The following RNF213 variants were observed in gnomAD, a reference collection of about 807,000 sequenced individuals.
RNF213 encodes ring finger protein 213.
RNF213 carries 341 observed loss-of-function variants against 514.4 expected under a neutral mutation model. The ratio of observed to expected loss-of-function variants is 0.66; its 90% CI spans 0.61 to 0.73. RNF213 has a LOEUF of 0.73. Ranked by LOEUF, RNF213 falls within the 30% of genes least tolerant of loss-of-function variation. The pLI is 0.00. For missense variants in RNF213, 5,767 were observed against 6,615.6 expected, an observed-to-expected ratio of 0.87 and a Z score of 4.45; for synonymous variants, 2,655 against 2,658.2, an observed-to-expected ratio of 1.00 and a Z score of 0.04.
In RNF213 at chr17:80,344,674, C is replaced by T. The variant is rs1332038035; in HGVS notation, c.6343-4C>T. 2 of 1,614,094 alleles carry T rather than the reference C, an allele frequency of 1.2e-6. No homozygotes were observed. The highest frequency in any genetic ancestry group is 4.5e-5 in the East Asian group (2 of 44,882). On this transcript the variant is annotated splice_polypyrimidine_tract_variant and splice_region_variant and intron_variant, in intron 28 of 67. Transcript: ENST00000582970. ...ACCATTTCATTAATGTCTCTCCTTTCCAGCGTACACGTGTACCCCAGTTCA... is the reference window on the plus strand; with the variant it reads ...ACCATTTCATTAATGTCTCTCCTTTTCAGCGTACACGTGTACCCCAGTTCA...
chr17:80,355,555 G>T (rs1204104076), intron 36 of RNF213, among the ~76,000 whole-genome samples: 4 of 106,242 alleles, frequency 3.8e-5, no homozygotes, highest in Admixed American at 1.0e-4. Flanking sequence ...GGGAATGGGG[G>T]CTTATGGAGG....
At chr17:80,362,287 A>C (rs768953357) in intron 39 of RNF213, among the ~76,000 whole-genome samples, 1 of 152,258 alleles carries the variant, frequency 6.6e-6, no homozygotes, top group Non-Finnish European at 1.5e-5. Flanking sequence ...ACTTCAGTAC[A>C]TAAAAAAGGA....
chr17:80,281,526 T>TAC (rs2044287249), intron 3 of RNF213, among the ~76,000 whole-genome samples: 9 of 24,812 alleles, frequency 3.6e-4, no homozygotes, highest in Non-Finnish European at 4.9e-4. Context: ...AACACACACA[T>TAC]GCCCCACTCA....
intron 40 of RNF213, 67 bp downstream of exon 40, chr17:80,363,381 G>T: frequency 6.7e-7 from 1 of 1,497,094 alleles, no homozygotes; most frequent in Non-Finnish European, 9.3e-7. Context: ...TGGGAATGGA[G>T]AGCTTCTGGG....
At position 80,375,820 on chromosome 17, in the gene RNF213, G is replaced by A. The variant is rs2079731200; in HGVS notation, c.13135G>A (p.Val4379Met). 1 of 1,614,188 alleles carries A rather than the reference G, an allele frequency of 6.2e-7. No individual in the cohort carries two copies. Among genetic ancestry groups the A allele is most frequent in the African/African-American group, 1.3e-5 (1 of 75,034 alleles). The change falls in exon 51 of 68, where the codon GTG becomes ATG. Residue 4379 changes from valine (V) to methionine (M), a missense_variant. Around this residue, in one of 13 missense-constraint regions of RNF213, gnomAD observed 1,245 missense variants for 1,339.0 expected, o/e 0.93. Coordinates refer to ENST00000582970, the MANE Select transcript of RNF213 (RefSeq NM_001256071.3). ...CTTCCTGTTAACACTGTTTAGAGAG[G>A]TGGCTATTTTGTACAGATCCCACAA... ...AYFLLTLFRE[V>M]AILYRSHNAS...
chr17:80,268,793 C>A (rs1229210965), intron 2 of RNF213, among the ~76,000 whole-genome samples: 1 of 152,094 alleles, frequency 6.6e-6, no homozygotes, highest in African/African-American at 2.4e-5. Flanking sequence ...CTAATAGGAT[C>A]TATGTCTGTA....
Position 80,348,220 on chromosome 17 carries a change from C to T in RNF213, c.9885C>T (p.Ser3295=), listed in dbSNP as rs957333053. Residue 3295 remains serine, a synonymous_variant, in exon 29 of 68, where the codon TCC becomes TCT. Coordinates refer to ENST00000582970, the MANE Select transcript of RNF213 (RefSeq NM_001256071.3). ...ACTTTCACAGACAGAGGCACAACTCCTTTGCAGATTTCCTTCAGGCACACC... is the reference window on the plus strand; with the variant it reads ...ACTTTCACAGACAGAGGCACAACTCTTTTGCAGATTTCCTTCAGGCACACC... ...QEYFHRQRHN[S]FADFLQAHLH... 4 of 1,613,992 alleles carry T rather than the reference C, an allele frequency of 2.5e-6. No homozygotes were observed. The highest frequency in any genetic ancestry group is 1.6e-4 in the Middle Eastern group (1 of 6,080).
At chr17:80,313,598 G>GGTGGTGGAGGTGATGGTGATT (rs1285888278) in intron 15 of RNF213, among the ~76,000 whole-genome samples, 11 of 144,874 alleles carry the variant, frequency 7.6e-5, no homozygotes, top group South Asian at 2.2e-4. Context: ...AGGTGATGGT[G>GGTGGTGGAGGTGATGGTGATT]GTGGTGGAGG....
At chr17:80,368,434 T>G (rs1402619648) in intron 44 of RNF213, among the ~76,000 whole-genome samples, 2 of 20,902 alleles carry the variant, frequency 9.6e-5, no homozygotes, top group East Asian at 5.9e-4. Flanking sequence ...GACGCCAGTG[T>G]TTTTTTTTTT....
At chr17:80,363,830 C>T (rs371229233) in intron 41 of RNF213, 40 bp downstream of exon 41, 221 of 1,591,060 alleles carry the variant, frequency 1.4e-4, no homozygotes, top group Non-Finnish European at 1.7e-4. Flanking sequence ...TCATCTGGCG[C>T]GCGCTCACCA....
intron 14 of RNF213, among the ~76,000 whole-genome samples, chr17:80,312,666 G>A (rs1223979248): frequency 6.6e-6 from 1 of 152,192 alleles, no homozygotes; most frequent in Admixed American, 6.5e-5. Context: ...AGTCTGCAGG[G>A]CCCCTCTCTG....
chr17:80,307,528 A>T (rs2045410700), intron 13 of RNF213, among the ~76,000 whole-genome samples: 1 of 137,432 alleles, frequency 7.3e-6, no homozygotes, highest in African/African-American at 3.1e-5. Flanking sequence ...ACGCCCAGCT[A>T]ATTTTTGTGT....
At chr17:80,380,345 G>A (rs1163412529) in intron 55 of RNF213, among the ~76,000 whole-genome samples, 1 of 152,172 alleles carries the variant, frequency 6.6e-6, no homozygotes, top group Non-Finnish European at 1.5e-5. Flanking sequence ...TCCAGAAACT[G>A]TCACAGTGTC....
intron 59 of RNF213, 126 bp downstream of exon 59, chr17:80,384,054 TA>T: frequency 8.3e-7 from 1 of 1,201,278 alleles, no homozygotes; most frequent in South Asian, 1.2e-5. Flanking sequence ...TGGTTTTGAA[TA>T]GGATGTAGCA....
intron 17 of RNF213, among the ~76,000 whole-genome samples, chr17:80,324,653 G>T (rs539398961): frequency 2.0e-5 from 3 of 152,020 alleles, no homozygotes; most frequent in South Asian, 2.1e-4. Flanking sequence ...CTTTTTAAAA[G>T]AATTATGGTT....
In RNF213 at chr17:80,353,107, GATGGCAGGTGTGGAGCGTGGCGTGCAC is replaced by G. The variant is rs771684029; in HGVS notation, c.10423+55_10423+81del. The G allele has an allele frequency of 6.2e-6, 10 of 1,605,260 alleles. No individual in the cohort carries two copies. Among genetic ancestry groups the G allele is most frequent in the Non-Finnish European group, 8.5e-6 (10 of 1,179,774 alleles). ...TGGGGGAGCAGGTGGTGGAAGGGCA[GATGGCAGGTGTGGAGCGTGGCGTGCAC>G]ATGGCACTAGGAGCAGGGCCACCGT... On this transcript the variant is annotated intron_variant, in intron 33 of 67. Transcript: ENST00000582970. This position sits in a 1 kb window ranked among gnomAD's most constrained non-coding sequence, Gnocchi z 5.0.
chr17:80,389,168 C>T lies in RNF213; in HGVS notation c.15001-5C>T. 3.1e-6 allele frequency: 5 copies of T among 1,613,916 alleles called. No homozygotes were observed. Among genetic ancestry groups the T allele is most frequent in the Non-Finnish European group, 4.2e-6 (5 of 1,179,822 alleles). ...GACATCCCTCTCCTGCTTTTCATTT[C>T]CCAGGACTCCCTCCCCAGCTCGGTC... is the stretch of plus-strand genomic sequence containing the variant. On this transcript the variant is annotated splice_region_variant and splice_polypyrimidine_tract_variant and intron_variant, in intron 64 of 67. Transcript: ENST00000582970.
At chr17:80,329,686 C>T (rs1439146477) in intron 20 of RNF213, among the ~76,000 whole-genome samples, 3 of 152,036 alleles carry the variant, frequency 2.0e-5, no homozygotes, top group African/African-American at 4.8e-5. Context: ...AAAAAATTAG[C>T]AAGACACGGT....
At chr17:80,291,556 C>A in intron 7 of RNF213, 72 bp from the exon 8 acceptor site, 1 of 1,448,762 alleles carries the variant, frequency 6.9e-7, no homozygotes, top group Non-Finnish European at 9.7e-7. Flanking sequence ...GCACTCCATG[C>A]TACGTTTGAG....
Sources: allele counts gnomAD v4.1 joint callset (sites outside exome capture counted in the v4.1 genomes callset), GRCh38; gene constraint gnomAD v4.1.1; regional missense constraint gnomAD v4.1.1; non-coding constraint Gnocchi (gnomAD v3.1); transcripts MANE v1.5; gene names NCBI Gene and HGNC (gene_info 2026-07-23, HGNC 2026-07-21).